Variants in DCTPP1 observed in about 807,000 individuals in gnomAD.
DCTPP1 encodes XTP3-transactivated gene A protein.
DCTPP1 carries 8 observed loss-of-function variants against 8.8 expected under a neutral mutation model. That is an observed-to-expected ratio of 0.91 (90% confidence interval 0.54 to 1.64). The LOEUF (loss-of-function observed/expected upper bound fraction) is 1.64, where lower values mean the gene tolerates loss of function less well. DCTPP1 is among the 40% of genes most tolerant of loss of function. DCTPP1 has a pLI of 0.00. For synonymous variants in DCTPP1, 85 were observed against 92.1 expected, an observed-to-expected ratio of 0.92 and a Z score of 0.44; for missense variants, 231 against 230.4, an observed-to-expected ratio of 1.00 and a Z score of -0.02.
At chr16:30,428,634 G>A (rs1267628908) in intron 2 of DCTPP1, among the ~76,000 whole-genome samples, 1 of 152,138 alleles carries the variant, frequency 6.6e-6, no homozygotes, top group African/African-American at 2.4e-5. Context: ...GCCAGGCGTG[G>A]TGGGGGGCAC....
intron 2 of DCTPP1, among the ~76,000 whole-genome samples, chr16:30,425,657 G>A (rs928041385): frequency 2.6e-5 from 4 of 151,964 alleles, no homozygotes; most frequent in African/African-American, 9.7e-5. Context: ...CAGAAAATAC[G>A]AATTAGTTAG....
intron 2 of DCTPP1, among the ~76,000 whole-genome samples, chr16:30,427,071 G>T (rs1385635564): frequency 1.3e-5 from 2 of 148,440 alleles, no homozygotes; most frequent in Non-Finnish European, 3.0e-5. Flanking sequence ...GTGCAGTGGC[G>T]CGATCTCGGC....
chr16:30,424,388 A>G lies in DCTPP1; in HGVS notation c.358T>C (p.Ser120Pro). 7 of 1,613,918 alleles carry G rather than the reference A, an allele frequency of 4.3e-6. No homozygotes were observed. Among genetic ancestry groups the G allele is most frequent in the South Asian group, 1.1e-5 (1 of 91,068 alleles). Residue 120 changes from serine (S) to proline (P), a missense_variant, in exon 3 of 3, where the codon TCC (serine) becomes CCC (proline). By Grantham distance (74) the Ser-to-Pro change is moderately conservative (BLOSUM62 -1). Coordinates refer to ENST00000319285, the MANE Select transcript of DCTPP1 (RefSeq NM_024096.2). ...CGTCGCCGGTTGATGTCCATTTTGGAGAGCACTGCTAGCGGCAGATCCACA... is the reference window on the plus strand; with the variant it reads ...CGTCGCCGGTTGATGTCCATTTTGGGGAGCACTGCTAGCGGCAGATCCACA... Reference protein sequence around the residue: ...CRVDLPLAVLSKMDINRRRYP... With the variant: ...CRVDLPLAVLPKMDINRRRYP...
chr16:30,425,948 C>T (rs1301351541), intron 2 of DCTPP1, among the ~76,000 whole-genome samples: 3 of 152,326 alleles, frequency 2.0e-5, no homozygotes, highest in East Asian at 3.9e-4. Context: ...CATGGGCTGA[C>T]GCCTGCCTTT....
chr16:30,429,840 G>A (rs2050214662), intron 1 of DCTPP1, 40 bp downstream of exon 1: 6 of 1,568,442 alleles, frequency 3.8e-6, no homozygotes, highest in African/African-American at 1.4e-5. Flanking sequence ...CGGGAGAAAG[G>A]GGCGACTTCC....
rs1162466724 is a variant in DCTPP1, at chr16:30,428,911, G to T, written c.212+146C>A. 6.3e-6 allele frequency: 5 copies of T among 799,136 alleles called. No homozygotes were observed. The African/African-American group carries it at 7.0e-5, about 11-fold the overall frequency. 49.5% of individuals were successfully genotyped at this position (799,136 alleles called of 1,614,324 possible). Reference sequence around the variant, plus strand: ...GAGTGCCCCTAGAGGGCAGGGACCCGTGAGTCCTCTCTGCATCCCAACAAC... The same window carrying T: ...GAGTGCCCCTAGAGGGCAGGGACCCTTGAGTCCTCTCTGCATCCCAACAAC... On this transcript the variant is annotated intron_variant, in intron 2 of 2. Coordinates refer to ENST00000319285, the MANE Select transcript of DCTPP1 (RefSeq NM_024096.2).
At chr16:30,428,415 C>T (rs569071773) in intron 2 of DCTPP1, among the ~76,000 whole-genome samples, 1 of 152,222 alleles carries the variant, frequency 6.6e-6, no homozygotes, top group African/African-American at 2.4e-5. Flanking sequence ...GTTCCCATGT[C>T]TGGAATGCCA....
intron 2 of DCTPP1, among the ~76,000 whole-genome samples, chr16:30,427,502 AG>A (rs1386607314): frequency 6.6e-6 from 1 of 151,998 alleles, no homozygotes; most frequent in African/African-American, 2.4e-5. Flanking sequence ...TAGTAGAGAC[AG>A]GGTTTCACCA....
At chr16:30,424,718 G>A (rs2050183444) in intron 2 of DCTPP1, among the ~76,000 whole-genome samples, 185 bp from the exon 3 acceptor site, 1 of 152,226 alleles carries the variant, frequency 6.6e-6, no homozygotes, top group African/African-American at 2.4e-5. Context: ...CCTGGGCCAA[G>A]GAGTGGCCAA....
chr16:30,426,597 G>A (rs949767044), intron 2 of DCTPP1, among the ~76,000 whole-genome samples: 5 of 151,792 alleles, frequency 3.3e-5, no homozygotes, highest in Non-Finnish European at 5.9e-5. Context: ...TCAGCCTCCT[G>A]AGTAGCTGTG....
At chr16:30,425,176 G>A (rs766628960) in intron 2 of DCTPP1, among the ~76,000 whole-genome samples, 10 of 151,082 alleles carry the variant, frequency 6.6e-5, no homozygotes, top group Admixed American at 5.3e-4. Context: ...CACCGCACCC[G>A]GCCCACACCA....
intron 2 of DCTPP1, among the ~76,000 whole-genome samples, chr16:30,426,657 A>T (rs1165069170): frequency 1.3e-5 from 2 of 151,738 alleles, no homozygotes; most frequent in African/African-American, 4.8e-5. Flanking sequence ...TTTTTAGTAG[A>T]GACAGGGTTT....
At chr16:30,425,742 G>A (rs1449369825) in intron 2 of DCTPP1, among the ~76,000 whole-genome samples, 6 of 151,990 alleles carry the variant, frequency 3.9e-5, no homozygotes, top group African/African-American at 9.7e-5. Context: ...GCTTGAACCC[G>A]GGAGGCGGAG....
At chr16:30,424,685 A>G in intron 2 of DCTPP1, 152 bp from the exon 3 acceptor site, 1 of 927,030 alleles carries the variant, frequency 1.1e-6, no homozygotes, top group Non-Finnish European at 1.6e-6. Context: ...CCGACAGATG[A>G]TACCAAGATG....
chr16:30,429,959 T>C lies in DCTPP1; in HGVS notation c.22A>G (p.Ile8Val), dbSNP rs773060140. 8.9e-6 allele frequency: 14 copies of C among 1,576,522 alleles called. No homozygotes were observed. Among genetic ancestry groups the C allele is most frequent in the South Asian group, 1.1e-5 (1 of 87,796 alleles). Residue 8 changes from isoleucine (I) to valine (V), a missense_variant, in exon 1 of 3, where the codon ATT (isoleucine) becomes GTT (valine). Physicochemically the swap from Ile to Val is conservative, Grantham distance 29. Coordinates refer to ENST00000319285, the MANE Select transcript of DCTPP1 (RefSeq NM_024096.2). MSVAGGE[I>V]RGDTGGEDTA... ...TCCTCTCCCCCCGTGTCCCCACGAA[T>C]CTCCCCACCGGCCACAGACATGCCG...
chr16:30,429,180 A>G lies in DCTPP1; in HGVS notation c.102-13T>C. ...ATGGAGGCGGCGGCTGAAATAGGAC[A>G]AAGGAGTGTAAGTCCAAGTCTCCGG... On this transcript the variant is annotated splice_polypyrimidine_tract_variant and intron_variant, in intron 1 of 2. Coordinates refer to ENST00000319285, the MANE Select transcript of DCTPP1 (RefSeq NM_024096.2). The G allele has an allele frequency of 6.2e-7, 1 of 1,613,852 alleles. No individual in the cohort carries two copies. The highest frequency in any genetic ancestry group is 8.5e-7 in the Non-Finnish European group (1 of 1,179,860).
chr16:30,425,829 A>T (rs1597036900), intron 2 of DCTPP1, among the ~76,000 whole-genome samples: 2 of 152,324 alleles, frequency 1.3e-5, no homozygotes, highest in South Asian at 4.1e-4. Context: ...AAAACTAAAC[A>T]AAACAAAACA....
At chr16:30,429,298 G>A in intron 1 of DCTPP1, 131 bp from the exon 2 acceptor site, 1 of 841,656 alleles carries the variant, frequency 1.2e-6, no homozygotes, top group Non-Finnish European at 1.8e-6. Context: ...TCATTGGATG[G>A]TATTGTGCAG....
At chr16:30,428,777 C>A in intron 2 of DCTPP1, 1 of 417,510 alleles carries the variant, frequency 2.4e-6, no homozygotes, top group South Asian at 7.7e-5. Context: ...AAAAAAAAGC[C>A]AAAAAAACAA....
Sources: allele counts gnomAD v4.1 joint callset (sites outside exome capture counted in the v4.1 genomes callset), GRCh38; gene constraint gnomAD v4.1.1; transcripts MANE v1.5; gene names NCBI Gene and HGNC (gene_info 2026-07-23, HGNC 2026-07-21).